The following PGM1 variants were observed in gnomAD, a reference collection of about 807,000 sequenced individuals.
The protein encoded by PGM1 is phosphoglucomutase 1.
Under a neutral mutation model 55.6 loss-of-function variants are expected in PGM1, and 52 were observed. The observed-to-expected ratio is 0.94, with a 90% CI of 0.75 to 1.18. The LOEUF (loss-of-function observed/expected upper bound fraction) is 1.18, where lower values mean the gene tolerates loss of function less well. PGM1 is among the 50% of genes most tolerant of loss of function. The pLI, the probability that PGM1 is intolerant of heterozygous loss-of-function variation, is 0.00. For missense variants in PGM1, 724 were observed against 729.3 expected, an observed-to-expected ratio of 0.99 and a Z score of 0.08; for synonymous variants, 287 against 271.7, an observed-to-expected ratio of 1.06 and a Z score of -0.55.
In PGM1 at chr1:63,629,542, G is replaced by T. The variant is rs1649134735; in HGVS notation, c.364G>T (p.Gly122Cys). 1 of 1,613,852 alleles carries T rather than the reference G, an allele frequency of 6.2e-7. No homozygotes were observed. The highest frequency in any genetic ancestry group is 2.2e-5 in the East Asian group (1 of 44,882). Residue 122 changes from glycine (G) to cysteine (C), a missense_variant, in exon 2 of 11, where the codon GGC becomes TGC. Around this residue, in one of 3 missense-constraint regions of PGM1, gnomAD observed 379 missense variants for 357.5 expected, o/e 1.06. Coordinates refer to ENST00000371084, the MANE Select transcript of PGM1 (RefSeq NM_002633.3). ...TCTGACAGCCAGTCACAACCCAGGG[G>T]GCCCCAATGGAGATTTTGGAATCAA... is the stretch of plus-strand genomic sequence containing the variant. ...IILTASHNPG[G>C]PNGDFGIKFN... is the part of the protein sequence containing the mutation.
chr1:63,612,950 G>T (rs72681108), intron 1 of PGM1, among the ~76,000 whole-genome samples: 4,346 of 152,232 alleles, frequency 0.029, 78 homozygotes, highest in Non-Finnish European at 0.044. Flanking sequence ...AATTACAGGG[G>T]TCGTTTGATG....
intron 8 of PGM1, among the ~76,000 whole-genome samples, chr1:63,649,330 A>G (rs1001272459): frequency 1.3e-5 from 2 of 152,226 alleles, no homozygotes; most frequent in African/African-American, 4.8e-5. Context: ...ATTATTCCTT[A>G]TCATGCGTAC....
chr1:63,602,366 C>A (rs760281420), intron 1 of PGM1, among the ~76,000 whole-genome samples: 57 of 152,290 alleles, frequency 3.7e-4, no homozygotes, highest in Middle Eastern at 3.4e-3. Context: ...TAAGTTTCTT[C>A]TTTTTAAACT....
intron 8 of PGM1, among the ~76,000 whole-genome samples, chr1:63,650,433 A>T (rs1456289131): frequency 1.3e-5 from 2 of 152,184 alleles, no homozygotes; most frequent in Non-Finnish European, 2.9e-5. Flanking sequence ...AAGCACAAAC[A>T]CCTGGTTGTA....
chr1:63,623,257 G>A, intron 1 of PGM1: 1 of 1,413,286 alleles, frequency 7.1e-7, no homozygotes, highest in Non-Finnish European at 9.2e-7. Flanking sequence ...GGTGCGAGTG[G>A]GTGTGTGGCC....
intron 1 of PGM1, chr1:63,623,683 C>T: frequency 6.2e-7 from 1 of 1,612,602 alleles, no homozygotes; most frequent in East Asian, 2.2e-5. Context: ...GGGATCATCA[C>T]TGGTGGTTGG....
chr1:63,659,528 G>T (rs1435748557), intron 10 of PGM1, 58 bp from the exon 11 acceptor site: 14 of 1,395,516 alleles, frequency 1.0e-5, no homozygotes, highest in Non-Finnish European at 1.4e-5. Context: ...CGGGTTTGGA[G>T]CTAAGCATCT....
chr1:63,638,718 G>A lies in PGM1; in HGVS notation c.1062G>A (p.Glu354=). 2 of 1,613,958 alleles carry A rather than the reference G, an allele frequency of 1.2e-6. No individual in the cohort carries two copies. The highest frequency in any genetic ancestry group is 1.7e-6 in the Non-Finnish European group (2 of 1,179,868). ...VASATKIALY[E]TPTGWKFFGN... ...GTGCTACAAAGATTGCTTTGTATGA[G>A]ACCCCAACTGGCTGGAAGTTTTTTG... The change falls in exon 7 of 11, where the codon GAG becomes GAA. Residue 354 remains glutamate (E), a synonymous_variant. Coordinates refer to ENST00000371084, the MANE Select transcript of PGM1 (RefSeq NM_002633.3).
rs34661751 is a variant in PGM1 at position 63,594,788 on chromosome 1, C to CAA, written c.246+1076_246+1077dup. Among the ~76,000 whole-genome samples, 542 of 90,450 alleles carry CAA rather than the reference C, an allele frequency of 6.0e-3. 8 individuals are homozygous for CAA. The highest frequency in any genetic ancestry group is 0.02 in the South Asian group (48 of 2,452). The allele number at this position is 90,450 out of a possible 152,430, so 59.3% of individuals were successfully genotyped here. A position where few individuals can be genotyped will look rare whatever the true frequency, so the allele number is the denominator to read the frequency against. ...GAAACCACGTCTCTACTAAAAAATA[C>CAA]AAAAAAAAAAAAAAAAAAAAAAATT... is the stretch of plus-strand genomic sequence containing the variant. On this transcript the variant is annotated intron_variant, in intron 1 of 10. Coordinates refer to ENST00000371084, the MANE Select transcript of PGM1 (RefSeq NM_002633.3).
intron 7 of PGM1, among the ~76,000 whole-genome samples, chr1:63,641,230 A>G (rs532234159): frequency 5.9e-5 from 9 of 152,326 alleles, no homozygotes; most frequent in Non-Finnish European, 1.2e-4. Context: ...GGTATATTTC[A>G]TGTCCAAAGA....
intron 1 of PGM1, among the ~76,000 whole-genome samples, chr1:63,609,910 A>G (rs1452898045): frequency 6.6e-6 from 1 of 152,166 alleles, no homozygotes; most frequent in Non-Finnish European, 1.5e-5. Flanking sequence ...GATCAGATGC[A>G]TTTTTGACTG....
intron 1 of PGM1, among the ~76,000 whole-genome samples, chr1:63,621,520 C>T (rs1396149583): frequency 6.6e-6 from 1 of 152,188 alleles, no homozygotes; most frequent in Non-Finnish European, 1.5e-5. Flanking sequence ...GCCTAATTCA[C>T]AAGCCCATAT....
At chr1:63,630,731 T>C (rs182049846) in intron 3 of PGM1, among the ~76,000 whole-genome samples, 16 of 152,338 alleles carry the variant, frequency 1.1e-4, no homozygotes, top group Admixed American at 7.2e-4. Context: ...GAATAAATAT[T>C]TATAAAAGTA....
At chr1:63,594,938 G>T (rs1193591778) in intron 1 of PGM1, among the ~76,000 whole-genome samples, 1 of 130,192 alleles carries the variant, frequency 7.7e-6, no homozygotes, top group Non-Finnish European at 1.5e-5. Flanking sequence ...TCTAGCCTCG[G>T]CGACAGAGCG....
chr1:63,609,705 C>T (rs932513466), intron 1 of PGM1, among the ~76,000 whole-genome samples: 4 of 152,132 alleles, frequency 2.6e-5, no homozygotes, highest in Non-Finnish European at 5.9e-5. Context: ...CAGTCCACCA[C>T]GCGGTCCCGA....
chr1:63,639,109 G>A (rs894948362), intron 7 of PGM1, among the ~76,000 whole-genome samples: 13 of 152,098 alleles, frequency 8.5e-5, no homozygotes, highest in African/African-American at 1.7e-4. Flanking sequence ...TTCTTCCTTC[G>A]GTGGTCAAAG....
chr1:63,603,217 G>A (rs911945619), intron 1 of PGM1, among the ~76,000 whole-genome samples: 11 of 152,180 alleles, frequency 7.2e-5, no homozygotes, highest in African/African-American at 2.7e-4. Flanking sequence ...AAACCTTTCA[G>A]GTGTCCCAGG....
At chr1:63,625,076 A>G (rs1320868085) in intron 1 of PGM1, among the ~76,000 whole-genome samples, 1 of 152,234 alleles carries the variant, frequency 6.6e-6, no homozygotes, top group African/African-American at 2.4e-5. Flanking sequence ...CGAATGGAAC[A>G]TTATTTCTCC....
chr1:63,648,458 C>G, intron 7 of PGM1, 59 bp from the exon 8 acceptor site: 1 of 1,605,216 alleles, frequency 6.2e-7, no homozygotes, highest in Non-Finnish European at 8.5e-7. Flanking sequence ...ATATCAAGTA[C>G]CTTCTCAGGT....
Sources: gnomAD v4.1 joint callset for allele counts (sites outside exome capture counted in the v4.1 genomes callset) on GRCh38, gnomAD v4.1.1 for gene constraint, gnomAD v4.1.1 regional missense constraint, MANE v1.5 for transcripts, NCBI Gene and HGNC (gene_info 2026-07-23, HGNC 2026-07-21) for gene names.